The following COL5A2 variants were observed in gnomAD, a reference collection of about 807,000 sequenced individuals.
COL5A2 encodes collagen alpha-2(V) chain.
Under a neutral mutation model 208.2 loss-of-function variants are expected in COL5A2, and 23 were observed. The observed-to-expected ratio is 0.11, with a 90% CI of 0.08 to 0.16. The LOEUF (loss-of-function observed/expected upper bound fraction) is 0.16. Ranked by LOEUF, COL5A2 falls within the 10% of genes least tolerant of loss-of-function variation. COL5A2 has a pLI of 1.00. For missense variants in COL5A2, 1,590 were observed against 1,956.4 expected, an observed-to-expected ratio of 0.81 and a Z score of 3.53; for synonymous variants, 625 against 628.5, an observed-to-expected ratio of 0.99 and a Z score of 0.08.
At chr2:189,356,873 T>A in the COL5A2 span, among the ~76,000 whole-genome samples, 1 of 152,232 alleles carries the variant, frequency 6.6e-6, no homozygotes, top group Non-Finnish European at 1.5e-5. Context: ...TTCGTGGATT[T>A]ATCTACCTTT....
rs879227018 is a variant in COL5A2, at chr2:189,084,044, G to A, written c.799-7C>T. The A allele has an allele frequency of 6.2e-7, 1 of 1,610,048 alleles. No individual in the cohort carries two copies. Among genetic ancestry groups the A allele is most frequent in the Admixed American group, 1.7e-5 (1 of 59,956 alleles). Reference sequence around the variant, plus strand: ...CATTTCTGCCAGGTTCACCCTTTATGGAAAAAAATGTAGGAGATTGGGAAG... The same window carrying A: ...CATTTCTGCCAGGTTCACCCTTTATAGAAAAAAATGTAGGAGATTGGGAAG... On this transcript the variant is annotated splice_polypyrimidine_tract_variant and splice_region_variant and intron_variant, in intron 11 of 53. Transcript: ENST00000374866.
At chr2:189,338,924 T>C in the COL5A2 span, among the ~76,000 whole-genome samples, 2 of 152,078 alleles carry the variant, frequency 1.3e-5, no homozygotes, top group African/African-American at 2.4e-5. Context: ...TCAAACTTGC[T>C]ATCTTTAAAA....
At chr2:189,078,627 T>G (rs1374288125) in intron 15 of COL5A2, 58 bp from the exon 16 acceptor site, 2 of 1,308,820 alleles carry the variant, frequency 1.5e-6, no homozygotes, top group African/African-American at 2.9e-5. Context: ...TGTAGAGTAG[T>G]CTGACTACCC....
chr2:189,342,128 A>G, the COL5A2 span, among the ~76,000 whole-genome samples: 1 of 151,216 alleles, frequency 6.6e-6, no homozygotes, highest in Non-Finnish European at 1.5e-5. Flanking sequence ...CAGAAAACTT[A>G]AACTCTTAAA....
At chr2:189,234,071 C>T in the COL5A2 span, among the ~76,000 whole-genome samples, 2 of 151,374 alleles carry the variant, frequency 1.3e-5, no homozygotes, top group East Asian at 3.9e-4. Flanking sequence ...TATTATAAAT[C>T]GTGTGTTCTG....
chr2:189,099,980 A>G (rs1420586912), intron 4 of COL5A2, 127 bp downstream of exon 4: 3 of 758,048 alleles, frequency 4.0e-6, no homozygotes, highest in Non-Finnish European at 4.5e-6. Context: ...CTTGTGTTAT[A>G]CTAAAAACTT....
At chr2:189,411,661 CTA>C in the COL5A2 span, among the ~76,000 whole-genome samples, 85,787 of 151,746 alleles carry the variant, frequency 0.57, 26,003 homozygotes, top group East Asian at 0.69. Flanking sequence ...CAACATCTGA[CTA>C]TTACTGCAAG....
At chr2:189,309,613 CT>C in the COL5A2 span, among the ~76,000 whole-genome samples, 2 of 152,254 alleles carry the variant, frequency 1.3e-5, no homozygotes, top group South Asian at 4.1e-4. Flanking sequence ...CCTTTTGTTC[CT>C]GCTCTAAATC....
At chr2:189,327,094 AAT>A in the COL5A2 span, among the ~76,000 whole-genome samples, 2 of 149,654 alleles carry the variant, frequency 1.3e-5, no homozygotes, top group Admixed American at 6.6e-5. Context: ...TAATAATAAT[AAT>A]AAATAAAAAA....
At chr2:189,188,472 C>T (rs189363143) in intron 1 of COL5A2, among the ~76,000 whole-genome samples, 5 of 152,288 alleles carry the variant, frequency 3.3e-5, no homozygotes, top group Admixed American at 1.3e-4. Flanking sequence ...CATTCTTAAT[C>T]ATTCATCCAT....
At chr2:189,142,455 C>A (rs182506994) in intron 1 of COL5A2, among the ~76,000 whole-genome samples, 34 of 152,028 alleles carry the variant, frequency 2.2e-4, no homozygotes, top group African/African-American at 8.2e-4. Context: ...ATGTACTATA[C>A]ATAGACTTAA....
At chr2:189,167,941 C>T (rs149398260) in intron 1 of COL5A2, among the ~76,000 whole-genome samples, 1,128 of 98,870 alleles carry the variant, frequency 0.011, 10 homozygotes, top group African/African-American at 0.03. Flanking sequence ...AGTACAAACT[C>T]CTATTTTTTT....
intron 18 of COL5A2, among the ~76,000 whole-genome samples, chr2:189,069,316 GAT>G (rs2105606826): frequency 6.6e-6 from 1 of 152,232 alleles, no homozygotes; most frequent in African/African-American, 2.4e-5. Flanking sequence ...CAAAGAATAA[GAT>G]AGTCTTAAAT....
At chr2:189,320,195 T>C in the COL5A2 span, among the ~76,000 whole-genome samples, 1 of 152,000 alleles carries the variant, frequency 6.6e-6, no homozygotes. Flanking sequence ...CAAAGGTAGA[T>C]AAAAAACACA....
chr2:189,403,879 C>T, the COL5A2 span, among the ~76,000 whole-genome samples: 10 of 152,038 alleles, frequency 6.6e-5, no homozygotes, highest in East Asian at 1.9e-4. Flanking sequence ...ATTACAGGCA[C>T]GTGCCACCAT....
At chr2:189,433,897 T>C in the COL5A2 span, among the ~76,000 whole-genome samples, 9 of 152,016 alleles carry the variant, frequency 5.9e-5, no homozygotes, top group South Asian at 2.1e-4. Flanking sequence ...AATTTTAGAC[T>C]AATATCCCTG....
intron 12 of COL5A2, 88 bp from the exon 13 acceptor site, chr2:189,081,131 T>C (rs1686525425): frequency 4.0e-6 from 4 of 1,008,664 alleles, no homozygotes; most frequent in South Asian, 2.6e-5. Flanking sequence ...AAAAAATAGC[T>C]AGTACACAGT....
the COL5A2 span, among the ~76,000 whole-genome samples, chr2:189,240,488 G>A: frequency 6.6e-5 from 10 of 152,256 alleles, no homozygotes; most frequent in Middle Eastern, 6.8e-3. Context: ...GGACTTCAAC[G>A]TGTGAATTTT....
At chr2:189,077,032 C>T (rs1385955252) in intron 16 of COL5A2, among the ~76,000 whole-genome samples, 1 of 152,062 alleles carries the variant, frequency 6.6e-6, no homozygotes, top group Non-Finnish European at 1.5e-5. Context: ...TGCCACTGCC[C>T]TGTAGCCTGG....
Sources: allele counts gnomAD v4.1 joint callset (sites outside exome capture counted in the v4.1 genomes callset), GRCh38; gene constraint gnomAD v4.1.1; transcripts MANE v1.5; gene names NCBI Gene and HGNC (gene_info 2026-07-23, HGNC 2026-07-21).